Variants in RHBDL3 observed in about 807,000 individuals in gnomAD.
RHBDL3 encodes the protein rhomboid like 3.
A neutral mutation model predicts 48.2 loss-of-function variants in RHBDL3; 28 were observed. That is an observed-to-expected ratio of 0.58 (90% confidence interval 0.43 to 0.80). The LOEUF is 0.80. Among genes scored for constraint, RHBDL3 ranks in the 30% least tolerant of loss-of-function variants. The pLI, the probability that RHBDL3 is intolerant of heterozygous loss-of-function variation, is 0.00. For missense variants in RHBDL3, 464 were observed against 542.7 expected (o/e 0.85, Z 1.44); for synonymous variants, 208 against 232.3 (o/e 0.90, Z 0.95).
rs537188448 is a variant in RHBDL3, at chr17:32,322,948, G to C, written c.*1719G>C. 1 of 152,362 alleles carries C rather than the reference G, an allele frequency of 6.6e-6. No homozygotes were observed. The highest frequency in any genetic ancestry group is 1.5e-5 in the Non-Finnish European group (1 of 68,158). 9.4% of individuals were successfully genotyped at this position (152,362 alleles called of 1,614,324 possible). A position where few individuals can be genotyped will look rare whatever the true frequency, so the allele number is the denominator to read the frequency against. ...GAAACAGGGGCAGGAGTGTGGGAAC[G>C]GTCTTCCTCCAGCCTGGTGCCCATC... On this transcript the variant is annotated 3_prime_UTR_variant, in exon 9 of 9. Coordinates refer to ENST00000269051, the MANE Select transcript of RHBDL3 (RefSeq NM_138328.3).
At position 32,321,355 on chromosome 17, in the gene RHBDL3, G is replaced by A. The variant is rs2041129052; in HGVS notation, c.*126G>A. 1.3e-6 allele frequency: 2 copies of A among 1,546,788 alleles called. No individual in the cohort carries two copies. The highest frequency in any genetic ancestry group is 1.4e-5 in the African/African-American group (1 of 73,400). On this transcript the variant is annotated 3_prime_UTR_variant, in exon 9 of 9. Coordinates refer to ENST00000269051, the MANE Select transcript of RHBDL3 (RefSeq NM_138328.3). ...CAAGGACAGAAGACTCTGGGCCACT[G>A]TAATGTTTGTGTTTAGATTTGGACA...
At chr17:32,273,700 A>G (rs2039828663) in intron 2 of RHBDL3, among the ~76,000 whole-genome samples, 1 of 152,190 alleles carries the variant, frequency 6.6e-6, no homozygotes, top group Non-Finnish European at 1.5e-5. Flanking sequence ...TTAAACAAGT[A>G]AAAAATAAAA....
chr17:32,307,665 G>A (rs572518724), intron 7 of RHBDL3, among the ~76,000 whole-genome samples: 28 of 152,296 alleles, frequency 1.8e-4, no homozygotes, highest in Non-Finnish European at 1.3e-4. Flanking sequence ...ACGTGGAACG[G>A]TGAGCCTCTC....
At position 32,266,960 on chromosome 17, in the gene RHBDL3, C is replaced by T. The variant is rs147693300; in HGVS notation, c.111+660C>T. 5.6e-3 allele frequency among the ~76,000 whole-genome samples: 855 copies of T among 152,216 alleles called. 11 individuals are homozygous for T. Among genetic ancestry groups the T allele is most frequent in the African/African-American group, 0.019 (799 of 41,550 alleles). ...AGGGAGGGGCTGCCCCGAGGGCTTCCCCGCCGTCTGCTGCTCGGGTCTCCA... is the reference window on the plus strand; with the variant it reads ...AGGGAGGGGCTGCCCCGAGGGCTTCTCCGCCGTCTGCTGCTCGGGTCTCCA... On this transcript the variant is annotated intron_variant, in intron 1 of 8. Transcript: ENST00000269051.
intron 3 of RHBDL3, among the ~76,000 whole-genome samples, chr17:32,285,401 G>A (rs2040173619): frequency 6.6e-6 from 1 of 152,120 alleles, no homozygotes; most frequent in Non-Finnish European, 1.5e-5. Context: ...CTGGGGAGTG[G>A]GGGCCGGGAG....
At chr17:32,266,492 C>T (rs946109018) in intron 1 of RHBDL3, among the ~76,000 whole-genome samples, 192 bp downstream of exon 1, 2 of 152,138 alleles carry the variant, frequency 1.3e-5, no homozygotes, top group South Asian at 4.1e-4. Flanking sequence ...CCGCTTCCCC[C>T]GCTCTGGTTC....
intron 3 of RHBDL3, among the ~76,000 whole-genome samples, chr17:32,286,420 T>G (rs1391563855): frequency 6.6e-6 from 1 of 152,152 alleles, no homozygotes; most frequent in Non-Finnish European, 1.5e-5. Context: ...GGGGAAGCTC[T>G]GAGTAGAGCA....
chr17:32,316,865 ATTTAT>A (rs1182877285), intron 8 of RHBDL3, among the ~76,000 whole-genome samples: 4 of 144,504 alleles, frequency 2.8e-5, no homozygotes, highest in Non-Finnish European at 6.0e-5. Flanking sequence ...ATTTTATTTT[ATTTAT>A]TTTATTTTAT....
intron 7 of RHBDL3, among the ~76,000 whole-genome samples, chr17:32,313,610 T>C (rs1395001627): frequency 1.3e-5 from 2 of 152,014 alleles, no homozygotes; most frequent in Admixed American, 1.3e-4. Context: ...CCATTCTACT[T>C]TCTGTCTCCA....
At chr17:32,294,199 A>G (rs1218774041) in intron 4 of RHBDL3, 95 bp from the exon 5 acceptor site, 2 of 1,000,968 alleles carry the variant, frequency 2.0e-6, no homozygotes, top group Middle Eastern at 2.6e-4. Flanking sequence ...AGGAAAGGTG[A>G]TAACTTCCTG....
intron 7 of RHBDL3, among the ~76,000 whole-genome samples, chr17:32,309,425 A>G (rs1181047231): frequency 1.3e-5 from 2 of 151,538 alleles, no homozygotes; most frequent in Non-Finnish European, 2.9e-5. Flanking sequence ...GGTGGTGCAT[A>G]CCTGTAATCC....
intron 4 of RHBDL3, among the ~76,000 whole-genome samples, chr17:32,291,419 C>T (rs532071459): frequency 1.4e-4 from 22 of 151,938 alleles, no homozygotes; most frequent in Middle Eastern, 3.4e-3. Context: ...CAGTGGCTCA[C>T]GCCTGTAATT....
intron 2 of RHBDL3, among the ~76,000 whole-genome samples, chr17:32,282,364 C>T (rs1317078067): frequency 2.6e-5 from 4 of 152,030 alleles, no homozygotes; most frequent in South Asian, 2.1e-4. Context: ...CCCAGGAGTT[C>T]GAGACCAGCC....
intron 2 of RHBDL3, among the ~76,000 whole-genome samples, chr17:32,277,227 G>A (rs187785652): frequency 6.6e-6 from 1 of 152,388 alleles, no homozygotes; most frequent in East Asian, 1.9e-4. Context: ...CCTGTCTAGA[G>A]CATGGACAGG....
chr17:32,308,667 T>C (rs1170863973), intron 7 of RHBDL3, among the ~76,000 whole-genome samples: 1 of 152,188 alleles, frequency 6.6e-6, no homozygotes, highest in African/African-American at 2.4e-5. Context: ...GAAAGAAAAC[T>C]CATCGTCTCA....
chr17:32,266,113 C>T lies in RHBDL3; in HGVS notation c.-77C>T. On this transcript the variant is annotated 5_prime_UTR_variant, in exon 1 of 9. Coordinates refer to ENST00000269051, the MANE Select transcript of RHBDL3 (RefSeq NM_138328.3). ...GCACTGAGCCCCTGGAGCGGCGCGG[C>T]CGCCGCGGCGCAAAGTTAGCCCGGC... 1 of 397,898 alleles carries T rather than the reference C, an allele frequency of 2.5e-6. No individual in the cohort carries two copies. The highest frequency in any genetic ancestry group is 3.5e-6 in the Non-Finnish European group (1 of 287,406). 24.6% of individuals were successfully genotyped at this position (397,898 alleles called of 1,614,324 possible). A position where few individuals can be genotyped will look rare whatever the true frequency, so the allele number is the denominator to read the frequency against.
chr17:32,298,619 C>T (rs1052283386), intron 6 of RHBDL3, among the ~76,000 whole-genome samples: 4 of 152,164 alleles, frequency 2.6e-5, no homozygotes, highest in African/African-American at 7.2e-5. Context: ...AACAGTGCTC[C>T]GAAAACTGCA....
chr17:32,271,275 G>A (rs181106823), intron 2 of RHBDL3, among the ~76,000 whole-genome samples: 206 of 152,230 alleles, frequency 1.4e-3, no homozygotes, highest in African/African-American at 3.1e-3. Context: ...CACTTATTAA[G>A]TAAGCCTTCT....
At chr17:32,319,531 C>T (rs1437563018) in intron 8 of RHBDL3, among the ~76,000 whole-genome samples, 3 of 152,026 alleles carry the variant, frequency 2.0e-5, no homozygotes, top group African/African-American at 7.3e-5. Flanking sequence ...AACCCTGGAC[C>T]TGGGGAGCCA....
Sources: allele counts gnomAD v4.1 joint callset (sites outside exome capture counted in the v4.1 genomes callset), GRCh38; gene constraint gnomAD v4.1.1; transcripts MANE v1.5; gene names NCBI Gene and HGNC (gene_info 2026-07-23, HGNC 2026-07-21).